The following SCPEP1 variants were observed in gnomAD, a reference collection of about 807,000 sequenced individuals.
SCPEP1 encodes serine carboxypeptidase 1.
In SCPEP1, 51 loss-of-function variants were observed where a neutral mutation model predicts 63.8. The ratio of observed to expected loss-of-function variants is 0.80; its 90% CI spans 0.64 to 1.01. The LOEUF is 1.01. Among genes scored for constraint, SCPEP1 ranks in the 50% least tolerant of loss-of-function variants. The pLI is 0.00. For missense variants in SCPEP1, 499 were observed against 554.9 expected (o/e 0.90, Z 1.01); for synonymous variants, 204 against 207.8 (o/e 0.98, Z 0.16).
chr17:57,001,124 C>A, intron 11 of SCPEP1, 132 bp downstream of exon 11: 1 of 942,092 alleles, frequency 1.1e-6, no homozygotes, highest in Non-Finnish European at 1.7e-6. Flanking sequence ...CCCATTACAT[C>A]CGTCTACCCC....
At chr17:56,985,873 C>G (rs879869914) in intron 3 of SCPEP1, among the ~76,000 whole-genome samples, 2 of 152,048 alleles carry the variant, frequency 1.3e-5, no homozygotes, top group Non-Finnish European at 2.9e-5. Context: ...CTTTCAATGT[C>G]TCTCTTGCTG....
At position 56,991,183 on chromosome 17, in the gene SCPEP1, A is replaced by AT. The variant is rs763071207; in HGVS notation, c.619+16dup. 1 of 1,607,620 alleles carries AT rather than the reference A, an allele frequency of 6.2e-7. No individual in the cohort carries two copies. Among genetic ancestry groups the AT allele is most frequent in the Non-Finnish European group, 8.5e-7 (1 of 1,174,198 alleles). On this transcript the variant is annotated intron_variant, in intron 6 of 12. Coordinates refer to ENST00000262288, the MANE Select transcript of SCPEP1 (RefSeq NM_021626.3). ...GATCTCCCCTGTTGGTAAGTGTGGCATTTTCAGGCATTTTTTCACTCCCCT... is the reference window on the plus strand; with the variant it reads ...GATCTCCCCTGTTGGTAAGTGTGGCATTTTTCAGGCATTTTTTCACTCCCCT...
intron 3 of SCPEP1, among the ~76,000 whole-genome samples, chr17:56,986,577 G>C (rs558195335): frequency 7.1e-6 from 1 of 140,718 alleles, no homozygotes; most frequent in East Asian, 2.2e-4. Context: ...ACAGAGTCTC[G>C]CTCTTTCGCC....
chr17:57,004,622 G>C (rs917741702), intron 12 of SCPEP1, among the ~76,000 whole-genome samples: 1 of 151,930 alleles, frequency 6.6e-6, no homozygotes, highest in African/African-American at 2.4e-5. Flanking sequence ...AGATATCTTG[G>C]GGATGGGACC....
chr17:56,978,209 T>C lies in SCPEP1; in HGVS notation c.50T>C (p.Leu17Pro), dbSNP rs1910970389. 6.4e-7 allele frequency: 1 copy of C among 1,559,880 alleles called. No individual in the cohort carries two copies. Among genetic ancestry groups the C allele is most frequent in the Admixed American group, 1.8e-5 (1 of 55,136 alleles). ...RSPVPRWLLL[L>P]PLLLGLNAGA... ...CCCGTCCCGCGGTGGTTGCTGCTGC[T>C]GCCGCTGCTGCTGGGCCTGAACGCA... is the stretch of plus-strand genomic sequence containing the variant. The change falls in exon 1 of 13, where the codon CTG becomes CCG. Residue 17 changes from leucine (L) to proline (P), a missense_variant. Leu to Pro is a moderately conservative substitution (Grantham distance 98). Coordinates refer to ENST00000262288, the MANE Select transcript of SCPEP1 (RefSeq NM_021626.3).
rs372037087 is a variant in SCPEP1 at position 57,002,293 on chromosome 17, C to T, written c.1296+112C>T. ...TGGGTCTTGTAGGAAGTACGAGGGC[C>T]CGAGGGCCAGGTACAGTGGCTCATG... On this transcript the variant is annotated intron_variant, in intron 12 of 12. Coordinates refer to ENST00000262288, the MANE Select transcript of SCPEP1 (RefSeq NM_021626.3). 180 of 1,052,558 alleles carry T rather than the reference C, an allele frequency of 1.7e-4. 1 individual carries two copies. The South Asian group carries it at 2.6e-3, about 15-fold the overall frequency. The allele number at this position is 1,052,558 out of a possible 1,614,324, so 65.2% of individuals were successfully genotyped here. A position where few individuals can be genotyped will look rare whatever the true frequency, so the allele number is the denominator to read the frequency against.
intron 12 of SCPEP1, among the ~76,000 whole-genome samples, chr17:57,002,490 T>C (rs372784494): frequency 2.0e-5 from 3 of 152,016 alleles, no homozygotes; most frequent in East Asian, 3.9e-4. Flanking sequence ...CTGAGACGGG[T>C]GGATCGCTTG....
intron 8 of SCPEP1, 91 bp downstream of exon 8, chr17:56,995,726 C>A: frequency 7.4e-7 from 1 of 1,352,900 alleles, no homozygotes; most frequent in Non-Finnish European, 1.0e-6. Context: ...TTGGAGTCTA[C>A]ACTGAGGCTC....
rs748848918 is a variant in SCPEP1 at position 57,000,857 on chromosome 17, C to A, written c.997C>A (p.Gln333Lys). The A allele has an allele frequency of 4.3e-6, 7 of 1,614,096 alleles. No individual in the cohort carries two copies. The Admixed American group carries it at 1.2e-4, about 27-fold the overall frequency. ...TCTTTCTCCTTCCCCATGTGCAGGC[C>A]AGGCTACCAACGTCTTTGTGAACAT... ...IIPEDQSWGG[Q>K]ATNVFVNMEE... Residue 333 changes from glutamine (Q) to lysine (K), a missense_variant and splice_region_variant, in exon 11 of 13, where the codon CAG (glutamine) becomes AAG (lysine). Physicochemically the swap from Gln to Lys is moderately conservative, Grantham distance 53. Coordinates refer to ENST00000262288, the MANE Select transcript of SCPEP1 (RefSeq NM_021626.3).
In SCPEP1 at chr17:56,991,011, A is replaced by G. The variant is rs769666081; in HGVS notation, c.547-88A>G. 21 of 960,918 alleles carry G rather than the reference A, an allele frequency of 2.2e-5. 1 individual carries two copies. The highest frequency in any genetic ancestry group is 9.6e-5 in the African/African-American group (6 of 62,346). The allele number at this position is 960,918 out of a possible 1,614,324, so 59.5% of individuals were successfully genotyped here. On this transcript the variant is annotated intron_variant, in intron 5 of 12. Transcript: ENST00000262288. ...GGTCTTGTATTCCTAGGCTCAAGCG[A>G]TCCTCCTGCCTAAGCTTCCCAAAGT... is the stretch of plus-strand genomic sequence containing the variant.
At chr17:56,979,748 T>C (rs1911016987) in intron 1 of SCPEP1, among the ~76,000 whole-genome samples, 1 of 152,294 alleles carries the variant, frequency 6.6e-6, no homozygotes, top group South Asian at 2.1e-4. Flanking sequence ...GTTGTAGCTC[T>C]TTCCTTGCTG....
chr17:56,990,964 G>A (rs1332590925), intron 5 of SCPEP1, 135 bp from the exon 6 acceptor site: 31 of 736,526 alleles, frequency 4.2e-5, no homozygotes, highest in Non-Finnish European at 5.7e-5. Flanking sequence ...AGAGATGGGG[G>A]TCTCACTACA....
chr17:56,978,376 CA>C, intron 1 of SCPEP1, 141 bp downstream of exon 1: 1 of 986,462 alleles, frequency 1.0e-6, no homozygotes, highest in South Asian at 3.2e-5. Context: ...TTTTGAATCT[CA>C]CTCTTTTTTT....
chr17:57,004,470 T>G (rs1911828421), intron 12 of SCPEP1, among the ~76,000 whole-genome samples: 1 of 152,188 alleles, frequency 6.6e-6, no homozygotes, highest in Admixed American at 6.5e-5. Flanking sequence ...ACCTTCAATA[T>G]TGACTAAAAG....
chr17:57,004,369 A>G (rs542487537), intron 12 of SCPEP1, among the ~76,000 whole-genome samples: 3 of 152,360 alleles, frequency 2.0e-5, no homozygotes, highest in Non-Finnish European at 4.4e-5. Context: ...AAATCAATAA[A>G]TAAACAAATA....
At chr17:56,985,232 T>C (rs1173118568) in intron 2 of SCPEP1, 146 bp from the exon 3 acceptor site, 2 of 649,228 alleles carry the variant, frequency 3.1e-6, no homozygotes, top group Non-Finnish European at 5.5e-6. Flanking sequence ...AATGTGGAAG[T>C]CCCTGGTTCA....
intron 10 of SCPEP1, among the ~76,000 whole-genome samples, chr17:56,999,836 G>A (rs1284537638): frequency 6.6e-6 from 1 of 152,176 alleles, no homozygotes; most frequent in Non-Finnish European, 1.5e-5. Flanking sequence ...TACAAAATTA[G>A]CTGGGTGAGG....
At chr17:57,001,991 G>T in intron 11 of SCPEP1, 27 bp from the exon 12 acceptor site, 1 of 1,598,916 alleles carries the variant, frequency 6.3e-7, no homozygotes, top group East Asian at 2.2e-5. Context: ...GTTAATGCCA[G>T]GCCTTTCTCT....
At position 56,987,963 on chromosome 17, in the gene SCPEP1, A is replaced by G. The variant is rs1911274112; in HGVS notation, c.471+113A>G. 1.1e-5 allele frequency: 13 copies of G among 1,222,308 alleles called. No individual in the cohort carries two copies. The South Asian group carries it at 1.5e-4, about 14-fold the overall frequency. 75.7% of individuals were successfully genotyped at this position (1,222,308 alleles called of 1,614,324 possible). ...TTAATGCCTAGCTGATTTCAGAGAAAACTTTTTAATTCCCAAGATTGGGTT... is the reference window on the plus strand; with the variant it reads ...TTAATGCCTAGCTGATTTCAGAGAAGACTTTTTAATTCCCAAGATTGGGTT... On this transcript the variant is annotated intron_variant, in intron 4 of 12. Transcript: ENST00000262288.
Sources: allele counts gnomAD v4.1 joint callset (sites outside exome capture counted in the v4.1 genomes callset), GRCh38; gene constraint gnomAD v4.1.1; transcripts MANE v1.5; gene names NCBI Gene and HGNC (gene_info 2026-07-23, HGNC 2026-07-21).